The following ARHGEF10 variants were observed in gnomAD, a reference collection of about 807,000 sequenced individuals.
ARHGEF10 encodes the protein Rho guanine nucleotide exchange factor 10, also known as Rho guanine nucleotide exchange factor (GEF) 10.
In ARHGEF10, 140 loss-of-function variants were observed where a neutral mutation model predicts 147.4. The observed-to-expected ratio is 0.95, with a 90% CI of 0.83 to 1.09. ARHGEF10 has a LOEUF of 1.09. ARHGEF10 is among the 50% of genes least tolerant of loss of function. The pLI is 0.00. For missense variants in ARHGEF10, 2,222 were observed against 1,752.7 expected (o/e 1.27, Z -4.78); for synonymous variants, 902 against 695.8 (o/e 1.30, Z -4.67).
intron 28 of ARHGEF10, among the ~76,000 whole-genome samples, chr8:1,955,695 C>T (rs201839333): frequency 1.5e-5 from 2 of 135,416 alleles, no homozygotes; most frequent in Admixed American, 1.5e-4. Flanking sequence ...CCTGAAAGGA[C>T]GTGCACTCAC....
Position 1,893,659 on chromosome 8 carries a change from C to G in ARHGEF10, c.1260+13C>G. On this transcript the variant is annotated intron_variant, in intron 12 of 28. Transcript: ENST00000349830. ...GAGGATTTTGGAGGTACTTAAGTGT[C>G]GTGTTACATAATACATACATTTCTA... 2 of 1,569,402 alleles carry G rather than the reference C, an allele frequency of 1.3e-6. No homozygotes were observed. Among genetic ancestry groups the G allele is most frequent in the Non-Finnish European group, 1.8e-6 (2 of 1,139,614 alleles).
chr8:1,832,775 GGCAGAGACAGAGAGAGACAGAGGC>G (rs1803255714), intron 1 of ARHGEF10, among the ~76,000 whole-genome samples: 2 of 126,446 alleles, frequency 1.6e-5, no homozygotes. Flanking sequence ...CAGAGACAGA[GGCAGAGACAGAGAGAGACAGAGGC>G]AGAGGCAGAG....
intron 1 of ARHGEF10, among the ~76,000 whole-genome samples, chr8:1,839,932 G>C (rs1165805601): frequency 6.6e-6 from 1 of 150,422 alleles, no homozygotes; most frequent in African/African-American, 2.5e-5. Context: ...TGTGGGGACT[G>C]TCTGGTGTGG....
Position 1,894,642 on chromosome 8 carries a change from C to A in ARHGEF10, c.1440+70C>A. ...ACCTGTCCTCTCTTCCCTTCTTAGG[C>A]TGATGTTTTGCCCCTGATCTCCTGC... On this transcript the variant is annotated intron_variant, in intron 13 of 28. Coordinates refer to ENST00000349830, the MANE Select transcript of ARHGEF10 (RefSeq NM_014629.4). The A allele has an allele frequency of 2.6e-6, 4 of 1,562,322 alleles. No homozygotes were observed. In the South Asian group the frequency reaches 4.5e-5, roughly 18 times the overall value.
chr8:1,923,899 A>G (rs1470633072), intron 21 of ARHGEF10, 25 bp downstream of exon 21: 1 of 1,606,830 alleles, frequency 6.2e-7, no homozygotes, highest in East Asian at 2.2e-5. Flanking sequence ...GCTGAGGCTG[A>G]ATGAGGCATG....
intron 1 of ARHGEF10, among the ~76,000 whole-genome samples, chr8:1,830,149 G>C (rs1429471150): frequency 6.6e-6 from 1 of 152,236 alleles, no homozygotes; most frequent in Non-Finnish European, 1.5e-5. Context: ...GGTGACAAGA[G>C]GAGTATCAGA....
At chr8:1,849,331 C>T (rs1475300662) in intron 2 of ARHGEF10, among the ~76,000 whole-genome samples, 2 of 148,460 alleles carry the variant, frequency 1.3e-5, no homozygotes, top group Non-Finnish European at 1.5e-5. Flanking sequence ...GCCACGTGGA[C>T]ACAGACAGCA....
intron 1 of ARHGEF10, among the ~76,000 whole-genome samples, chr8:1,829,079 A>T (rs1051332065): frequency 1.3e-5 from 2 of 152,234 alleles, no homozygotes; most frequent in Non-Finnish European, 2.9e-5. Flanking sequence ...GGCCTCCAGC[A>T]CACCTGGGGG....
intron 1 of ARHGEF10, among the ~76,000 whole-genome samples, chr8:1,832,387 G>C (rs1463088251): frequency 4.3e-5 from 2 of 46,532 alleles, no homozygotes; most frequent in Admixed American, 2.0e-4. Context: ...CAGAGGCAGA[G>C]GCAGAGACAG....
intron 11 of ARHGEF10, 94 bp downstream of exon 11, chr8:1,885,801 C>T: frequency 3.0e-6 from 3 of 1,005,202 alleles, no homozygotes; most frequent in South Asian, 1.3e-5. Context: ...TAAATATTTG[C>T]TGTCTCAAAC....
chr8:1,949,018 A>ATGTGTGTG (rs56097916), intron 27 of ARHGEF10, among the ~76,000 whole-genome samples: 3 of 149,960 alleles, frequency 2.0e-5, no homozygotes, highest in Admixed American at 6.7e-5. Context: ...ATGGGTTTTC[A>ATGTGTGTG]TGTGTGTGTG....
At chr8:1,914,406 C>T (rs1279634569) in intron 18 of ARHGEF10, among the ~76,000 whole-genome samples, 1 of 152,232 alleles carries the variant, frequency 6.6e-6, no homozygotes, top group African/African-American at 2.4e-5. Context: ...GGGTTAGCCC[C>T]GATTTCTCTC....
intron 11 of ARHGEF10, among the ~76,000 whole-genome samples, chr8:1,892,419 T>C (rs1809616426): frequency 6.6e-6 from 1 of 152,048 alleles, no homozygotes; most frequent in African/African-American, 2.4e-5. Flanking sequence ...GGGTTGATTT[T>C]TGTCTTTTGC....
In ARHGEF10 at chr8:1,893,617, T is replaced by A; in HGVS notation, c.1231T>A (p.Tyr411Asn). 1 of 1,613,522 alleles carries A rather than the reference T, an allele frequency of 6.2e-7. No homozygotes were observed. The highest frequency in any genetic ancestry group is 8.5e-7 in the Non-Finnish European group (1 of 1,179,526). Reference protein sequence around the residue: ...LGSVVDSEKNYVDALKRILEQ... With the variant: ...LGSVVDSEKNNVDALKRILEQ... ...TTCAGTTGTCGACAGTGAAAAGAACTACGTAGATGCTCTTAAGAGGATTTT... is the reference window on the plus strand; with the variant it reads ...TTCAGTTGTCGACAGTGAAAAGAACAACGTAGATGCTCTTAAGAGGATTTT... The change falls in exon 12 of 29, where the codon TAC becomes AAC. Residue 411 changes from tyrosine to asparagine, a missense_variant. Transcript: ENST00000349830.
At position 1,929,340 on chromosome 8, in the gene ARHGEF10, T is replaced by C. The variant is rs778110809; in HGVS notation, c.2976T>C (p.Phe992=). 6.2e-7 allele frequency: 1 copy of C among 1,614,034 alleles called. No homozygotes were observed. The highest frequency in any genetic ancestry group is 1.1e-5 in the South Asian group (1 of 91,072). ...QGSKKVRLQH[F]FTPEKSTVMS... is the part of the protein sequence containing the mutation. ...CCAAGAAAGTGAGACTTCAGCACTT[T>C]TTCACTCCTGAGAAGTCCACAGTCA... Residue 992 remains phenylalanine (F), a synonymous_variant, in exon 25 of 29, where the codon TTT becomes TTC. Transcript: ENST00000349830.
At chr8:1,954,785 G>A (rs1454259980) in intron 28 of ARHGEF10, among the ~76,000 whole-genome samples, 1 of 152,188 alleles carries the variant, frequency 6.6e-6, no homozygotes. Flanking sequence ...CACCTTTCCG[G>A]CTTTTGCATT....
Position 1,925,352 on chromosome 8 carries a change from C to T in ARHGEF10, c.2558C>T (p.Pro853Leu). The T allele has an allele frequency of 1.2e-6, 2 of 1,614,186 alleles. No individual in the cohort carries two copies. The highest frequency in any genetic ancestry group is 2.2e-5 in the East Asian group (1 of 44,878). ...DGNHIKKEKH[P>L]LLVGHMPVMV... ...AATCACATTAAAAAGGAGAAGCATCCTCTCCTCGTCGGACACATGCCCGTG... is the reference window on the plus strand; with the variant it reads ...AATCACATTAAAAAGGAGAAGCATCTTCTCCTCGTCGGACACATGCCCGTG... The change falls in exon 22 of 29, where the codon CCT (proline) becomes CTT (leucine). Residue 853 changes from proline to leucine, a missense_variant. Transcript: ENST00000349830.
chr8:1,928,598 G>T lies in ARHGEF10; in HGVS notation c.2869G>T (p.Ala957Ser), dbSNP rs761873637. The T allele has an allele frequency of 4.3e-6, 7 of 1,614,098 alleles. No homozygotes were observed. Among genetic ancestry groups the T allele is most frequent in the Non-Finnish European group, 5.9e-6 (7 of 1,180,056 alleles). ...PGAPPDPETP[A>S]VRASDVPTIC... ...GGCACCCCCGGACCCCGAGACCCCGGCCGTGAGAGCTTCTGATGTCCCCAC... is the reference window on the plus strand; with the variant it reads ...GGCACCCCCGGACCCCGAGACCCCGTCCGTGAGAGCTTCTGATGTCCCCAC... The change falls in exon 24 of 29, where the codon GCC (alanine) becomes TCC (serine). Residue 957 changes from alanine (A) to serine (S), a missense_variant. By Grantham distance (99) the Ala-to-Ser change is moderately conservative. Coordinates refer to ENST00000349830, the MANE Select transcript of ARHGEF10 (RefSeq NM_014629.4).
chr8:1,914,407 G>A (rs148129776), intron 18 of ARHGEF10, among the ~76,000 whole-genome samples: 322 of 152,346 alleles, frequency 2.1e-3, no homozygotes, highest in African/African-American at 7.2e-3. Flanking sequence ...GGTTAGCCCC[G>A]ATTTCTCTCC....
Sources: gnomAD v4.1 joint callset for allele counts (sites outside exome capture counted in the v4.1 genomes callset) on GRCh38, gnomAD v4.1.1 for gene constraint, MANE v1.5 for transcripts, NCBI Gene and HGNC (gene_info 2026-07-23, HGNC 2026-07-21) for gene names.